Variants in PCDHGA3 observed in about 807,000 individuals in gnomAD.
PCDHGA3 encodes protocadherin gamma subfamily A, 3, also known as protocadherin gamma-A3.
PCDHGA3 carries 40 observed loss-of-function variants against 58.5 expected under a neutral mutation model. The observed-to-expected ratio is 0.68, with a 90% CI of 0.53 to 0.89. PCDHGA3 has a LOEUF of 0.89. PCDHGA3 is among the 40% of genes least tolerant of loss of function. The pLI is 0.00. For synonymous variants in PCDHGA3, 530 were observed against 525.7 expected (o/e 1.01, Z -0.11); for missense variants, 1,223 against 1,195.9 (o/e 1.02, Z -0.33).
intron 2 of PCDHGA3, among the ~76,000 whole-genome samples, chr5:141,501,290 T>TACAC (rs55762287): frequency 0.051 from 6,975 of 136,060 alleles, 192 homozygotes; most frequent in African/African-American, 0.071. Context: ...TATTCCCTTA[T>TACAC]ACACACACAC....
rs540507159 is a variant in PCDHGA3 at position 141,422,671 on chromosome 5, A to G, written c.2425-72136A>G. On this transcript the variant is annotated intron_variant, in intron 1 of 3. Coordinates refer to ENST00000253812, the MANE Select transcript of PCDHGA3 (RefSeq NM_018916.4). The stretch of plus-strand genomic sequence containing the variant: ...CTCAGTGACCGCCCTCGACCCGGAC[A>G]GCAAACAGAATGCCCTGGTCACTTA... 4 of 1,607,248 alleles carry G rather than the reference A, an allele frequency of 2.5e-6. No homozygotes were observed. The Admixed American group carries it at 5.0e-5, about 20-fold the overall frequency.
Position 141,346,178 on chromosome 5 carries a change from G to A in PCDHGA3, c.2145G>A (p.Arg715=), listed in dbSNP as rs770120119. 8.1e-6 allele frequency: 13 copies of A among 1,614,056 alleles called. No homozygotes were observed. The South Asian group carries it at 8.8e-5, about 11-fold the overall frequency. The part of the protein sequence containing the change: ...LAFVIVLLAL[R]LRRWHKSRLL... ...TCGTCATCGTGCTGCTGGCGCTCAG[G>A]CTGCGGCGCTGGCACAAGTCACGCC... is the stretch of plus-strand genomic sequence containing the variant. Residue 715 remains arginine, a synonymous_variant, in exon 1 of 4, where the codon AGG becomes AGA. Transcript: ENST00000253812.
rs532318617 is a variant in PCDHGA3, at chr5:141,384,539, C to T, written c.2424+38082C>T. On this transcript the variant is annotated intron_variant, in intron 1 of 3. Coordinates refer to ENST00000253812, the MANE Select transcript of PCDHGA3 (RefSeq NM_018916.4). ...GACCCGCCTCTCAGCAGCAACATGT[C>T]ACTGAGCCTGTTCGTGCTGGACCAG... 44 of 1,614,240 alleles carry T rather than the reference C, an allele frequency of 2.7e-5. No homozygotes were observed. The South Asian group carries it at 4.1e-4, about 15-fold the overall frequency.
rs770219250 is a variant in PCDHGA3, at chr5:141,477,852, T to C, written c.2425-16955T>C. Reference sequence around the variant, plus strand: ...CGGCCAGGTGGGAGCTCGGTGGAGATGCTGCCTCGAGGTACCTCAGCTGGC... The same window carrying C: ...CGGCCAGGTGGGAGCTCGGTGGAGACGCTGCCTCGAGGTACCTCAGCTGGC... On this transcript the variant is annotated intron_variant, in intron 1 of 3. Transcript: ENST00000253812. This position sits in a 1 kb window ranked among gnomAD's most constrained non-coding sequence, Gnocchi z 4.9. The C allele has an allele frequency of 6.2e-7, 1 of 1,613,654 alleles. No homozygotes were observed. Among genetic ancestry groups the C allele is most frequent in the Admixed American group, 1.7e-5 (1 of 59,980 alleles).
In PCDHGA3 at chr5:141,344,815, T is replaced by G. The variant is rs1241165159; in HGVS notation, c.782T>G (p.Leu261Arg). ...VWENVPVGTR[L>R]LTVNATDPDE... ...GAGAACGTGCCTGTGGGTACCCGGC[T>G]GCTCACGGTGAATGCCACTGACCCT... Residue 261 changes from leucine to arginine, a missense_variant, in exon 1 of 4, where the codon CTG (leucine) becomes CGG (arginine). Transcript: ENST00000253812. 2.5e-6 allele frequency: 4 copies of G among 1,614,006 alleles called. No homozygotes were observed. Among genetic ancestry groups the G allele is most frequent in the Non-Finnish European group, 1.7e-6 (2 of 1,179,892 alleles).
At position 141,379,889 on chromosome 5, in the gene PCDHGA3, C is replaced by CTTTTTTTTTTTTT. The variant is rs70988800; in HGVS notation, c.2424+33450_2424+33462dup. Among the ~76,000 whole-genome samples, 110 of 50,830 alleles carry CTTTTTTTTTTTTT rather than the reference C, an allele frequency of 2.2e-3. 13 individuals carry two copies. Among genetic ancestry groups the CTTTTTTTTTTTTT allele is most frequent in the African/African-American group, 3.3e-3 (50 of 15,082 alleles). 33.3% of individuals were successfully genotyped at this position (50,830 alleles called of 152,430 possible). ...CTTATTTTATGGTCTGTGAAAGCCTCTTTTTTTTTTTTTTTTTTTTTTTTT... is the reference window on the plus strand; with the variant it reads ...CTTATTTTATGGTCTGTGAAAGCCTCTTTTTTTTTTTTTTTTTTTTTTTTTTTTTTTTTTTTTT... On this transcript the variant is annotated intron_variant, in intron 1 of 3. Transcript: ENST00000253812.
chr5:141,366,734 G>A (rs1193465026), intron 1 of PCDHGA3: 1 of 1,612,554 alleles, frequency 6.2e-7, no homozygotes, highest in Admixed American at 1.7e-5. Context: ...TGCAAACAAA[G>A]AAGAACGGCG....
intron 1 of PCDHGA3, chr5:141,418,303 G>T: frequency 6.2e-7 from 1 of 1,614,032 alleles, no homozygotes; most frequent in Middle Eastern, 1.6e-4. Flanking sequence ...CCGTCAGCCT[G>T]GGGATGGGAA....
At chr5:141,498,530 A>G (rs1275299749) in intron 2 of PCDHGA3, among the ~76,000 whole-genome samples, 1 of 149,364 alleles carries the variant, frequency 6.7e-6, no homozygotes, top group Non-Finnish European at 1.5e-5. Flanking sequence ...ACTGCCCTCC[A>G]GCCTGGTCTG....
chr5:141,512,262 C>G lies in PCDHGA3; in HGVS notation c.*1089C>G, dbSNP rs925517361. On this transcript the variant is annotated 3_prime_UTR_variant, in exon 4 of 4. Transcript: ENST00000253812. ...GAGGGGCCTCTGTGGGTGCTGGGTA[C>G]TCCAGAGGTGCCACTGGTGGAAGGG... 1 of 152,712 alleles carries G rather than the reference C, an allele frequency of 6.5e-6. No homozygotes were observed. The highest frequency in any genetic ancestry group is 2.4e-5 in the African/African-American group (1 of 41,452). 9.5% of individuals were successfully genotyped at this position (152,712 alleles called of 1,614,324 possible).
At chr5:141,497,665 G>A (rs1011161465) in intron 2 of PCDHGA3, among the ~76,000 whole-genome samples, 3 of 151,348 alleles carry the variant, frequency 2.0e-5, no homozygotes, top group South Asian at 2.1e-4. Flanking sequence ...TCAGCCTCCC[G>A]AGTAGCTGGG....
intron 1 of PCDHGA3, chr5:141,351,726 C>A: frequency 6.2e-7 from 1 of 1,613,824 alleles, no homozygotes; most frequent in Non-Finnish European, 8.5e-7. Flanking sequence ...TCTATTCTGG[C>A]CAGTGACCTG....
In PCDHGA3 at chr5:141,350,432, G is replaced by C. The variant is rs139554138; in HGVS notation, c.2424+3975G>C. 1.4e-3 allele frequency: 2,289 copies of C among 1,610,622 alleles called. 30 individuals are homozygous for C. In the East Asian group the frequency reaches 0.023, roughly 16 times the overall value. On this transcript the variant is annotated intron_variant, in intron 1 of 3. Transcript: ENST00000253812. ...CAAGGATCTGGGGCTCAGTGTCCGG[G>C]AGTTGCCAACTCGAAAACTGCGGGT...
chr5:141,392,060 G>A (rs537832041), intron 1 of PCDHGA3: 11 of 151,956 alleles, frequency 7.2e-5, no homozygotes, highest in Non-Finnish European at 1.5e-4. Context: ...AAATATTATC[G>A]ACATGTAATT....
chr5:141,496,467 T>A (rs1334392771), intron 2 of PCDHGA3, among the ~76,000 whole-genome samples: 1 of 152,056 alleles, frequency 6.6e-6, no homozygotes, highest in Non-Finnish European at 1.5e-5. Context: ...GAGTTATCTT[T>A]CCCCCATCCT....
chr5:141,372,461 GTTTCACC>G, intron 1 of PCDHGA3: 1 of 1,614,040 alleles, frequency 6.2e-7, no homozygotes, highest in South Asian at 1.1e-5. Context: ...CGGAGCTACA[GTTTCACC>G]TAGTAGTGGC....
At chr5:141,417,789 C>G in intron 1 of PCDHGA3, 1 of 1,477,596 alleles carries the variant, frequency 6.8e-7, no homozygotes, top group Non-Finnish European at 9.0e-7. Context: ...GGGCCGAATG[C>G]TCTTTTAGCG....
At chr5:141,402,881 G>T in intron 1 of PCDHGA3, 1 of 1,477,920 alleles carries the variant, frequency 6.8e-7, no homozygotes. Context: ...ATACTTTGCA[G>T]GGTGGAAGAA....
At chr5:141,407,707 G>A (rs894295431) in intron 1 of PCDHGA3, among the ~76,000 whole-genome samples, 1 of 151,964 alleles carries the variant, frequency 6.6e-6, no homozygotes, top group African/African-American at 2.4e-5. Flanking sequence ...TTGAAGGTGG[G>A]GTGATGGCTA....
Sources: allele counts gnomAD v4.1 joint callset (sites outside exome capture counted in the v4.1 genomes callset), GRCh38; gene constraint gnomAD v4.1.1; non-coding constraint Gnocchi (gnomAD v3.1); transcripts MANE v1.5; gene names NCBI Gene and HGNC (gene_info 2026-07-23, HGNC 2026-07-21).